Variants in DOCK10 observed in about 807,000 individuals in gnomAD.
DOCK10 encodes dedicator of cytokinesis protein 10.
DOCK10 carries 145 observed loss-of-function variants against 280.1 expected under a neutral mutation model. That is an observed-to-expected ratio of 0.52 (90% CI 0.45 to 0.59). The LOEUF (loss-of-function observed/expected upper bound fraction) is 0.59. Among genes scored for constraint, DOCK10 ranks in the 20% least tolerant of loss-of-function variants. The pLI, the probability that DOCK10 is intolerant of heterozygous loss-of-function variation, is 0.00. For synonymous variants in DOCK10, 915 were observed against 942.2 expected (o/e 0.97, Z 0.53); for missense variants, 2,368 against 2,651.7 (o/e 0.89, Z 2.35).
intron 28 of DOCK10, among the ~76,000 whole-genome samples, chr2:224,820,573 C>T (rs1694444345): frequency 6.6e-6 from 1 of 152,130 alleles, no homozygotes; most frequent in Admixed American, 6.5e-5. Context: ...CAGGATGATC[C>T]ATTAAAATGG....
chr2:224,846,289 A>G lies in DOCK10; in HGVS notation c.2236-647T>C, dbSNP rs186197546. On this transcript the variant is annotated intron_variant, in intron 19 of 55. Coordinates refer to ENST00000258390, the MANE Select transcript of DOCK10 (RefSeq NM_014689.3). ...ACTGCAGAATATAGATAAGACACAC[A>G]TCAAGGAACTGTCATTAAGGGACAC... Among the ~76,000 whole-genome samples, 6 of 152,352 alleles carry G rather than the reference A, an allele frequency of 3.9e-5. No individual in the cohort carries two copies. The East Asian group carries it at 1.2e-3, about 29-fold the overall frequency.
At chr2:224,781,964 G>A (rs1274912703) in intron 50 of DOCK10, among the ~76,000 whole-genome samples, 5 of 152,054 alleles carry the variant, frequency 3.3e-5, no homozygotes, top group African/African-American at 1.2e-4. Context: ...TTCACAAAGA[G>A]AAGAATGTAT....
chr2:224,920,011 C>A (rs1575059269), intron 2 of DOCK10, among the ~76,000 whole-genome samples: 1 of 151,994 alleles, frequency 6.6e-6, no homozygotes, highest in Admixed American at 6.6e-5. Context: ...GAACAGGGAG[C>A]CGTTGCTTTG....
At position 224,797,961 on chromosome 2, in the gene DOCK10, G is replaced by C; in HGVS notation, c.4515C>G (p.Leu1505=). Residue 1505 remains leucine (L), a synonymous_variant, in exon 42 of 56, where the codon CTC becomes CTG. Coordinates refer to ENST00000258390, the MANE Select transcript of DOCK10 (RefSeq NM_014689.3). ...ATGAATTTTGACAGTCACATTGTTG[G>C]AGTTGTCTCTGGAAATTCAATGCAG... is the stretch of plus-strand genomic sequence containing the variant. ...SLFTQTHQRQ[L]QQCDCQNSLM... The C allele has an allele frequency of 6.8e-6, 11 of 1,613,038 alleles. No homozygotes were observed. The highest frequency in any genetic ancestry group is 9.3e-6 in the Non-Finnish European group (11 of 1,179,522).
chr2:224,819,692 C>T (rs1694378620), intron 28 of DOCK10, among the ~76,000 whole-genome samples, 163 bp from the exon 29 acceptor site: 1 of 152,030 alleles, frequency 6.6e-6, no homozygotes, highest in African/African-American at 2.4e-5. Flanking sequence ...CAGTCATCCA[C>T]ATATGGCAAC....
At chr2:224,946,575 T>A (rs1171931336) in intron 1 of DOCK10, among the ~76,000 whole-genome samples, 1 of 152,194 alleles carries the variant, frequency 6.6e-6, no homozygotes, top group African/African-American at 2.4e-5. Context: ...AATACTAAGA[T>A]CACCTTAAAT....
intron 22 of DOCK10, among the ~76,000 whole-genome samples, chr2:224,843,992 G>A (rs1696158596): frequency 6.6e-6 from 1 of 152,174 alleles, no homozygotes; most frequent in South Asian, 2.1e-4. Flanking sequence ...CTTGCCCAGG[G>A]TAATGGAGCC....
chr2:224,982,524 G>T, intron 1 of DOCK10: 1 of 1,222,938 alleles, frequency 8.2e-7, no homozygotes, highest in Non-Finnish European at 1.0e-6. Context: ...TGGCCAAATA[G>T]CTTGGATGCA....
At position 224,862,739 on chromosome 2, in the gene DOCK10, T is replaced by A; in HGVS notation, c.1610A>T (p.Gln537Leu). The A allele has an allele frequency of 6.3e-7, 1 of 1,595,456 alleles. No homozygotes were observed. Among genetic ancestry groups the A allele is most frequent in the Non-Finnish European group, 8.6e-7 (1 of 1,168,148 alleles). The change falls in exon 14 of 56, where the codon CAA (glutamine) becomes CTA (leucine). Residue 537 changes from glutamine (Q) to leucine (L), a missense_variant. Physicochemically the swap from Gln to Leu is moderately radical, Grantham distance 113 (BLOSUM62 -2). This residue lies in a region of DOCK10 where 1,209 missense variants were observed against 1,250.9 expected (regional missense o/e 0.97). Coordinates refer to ENST00000258390, the MANE Select transcript of DOCK10 (RefSeq NM_014689.3). ...TTGTCTGTTGGATTTTAGTATCTTT[T>A]GTGCATACTAAAGAAAAAATAAATA... ...IKNPDSNKYA[Q>L]KILKSNRQFC... is the part of the protein sequence containing the mutation.
intron 33 of DOCK10, chr2:224,807,126 T>C (rs1252199702): frequency 1.3e-5 from 2 of 152,090 alleles, no homozygotes; most frequent in Admixed American, 6.6e-5. Flanking sequence ...AAAAAATCCA[T>C]AGGCATAGCT....
At chr2:224,809,396 A>G (rs1421829174) in intron 31 of DOCK10, among the ~76,000 whole-genome samples, 1 of 152,162 alleles carries the variant, frequency 6.6e-6, no homozygotes, top group Admixed American at 6.6e-5. Flanking sequence ...CAATCAACAA[A>G]ATGAAAAAGC....
chr2:224,898,574 G>A lies in DOCK10; in HGVS notation c.334-2197C>T, dbSNP rs746155428. 6.3e-4 allele frequency among the ~76,000 whole-genome samples: 96 copies of A among 152,184 alleles called. 2 individuals are homozygous for A. The highest frequency in any genetic ancestry group is 3.9e-4 in the East Asian group (2 of 5,194). On this transcript the variant is annotated intron_variant, in intron 3 of 55. Transcript: ENST00000258390. ...AAAGCACGTGTTTCTGGAAATAAGA[G>A]GAAAATTGAGCCTTTTTTTTGAGAC...
intron 1 of DOCK10, among the ~76,000 whole-genome samples, chr2:224,982,709 C>T (rs1351635887): frequency 6.6e-6 from 1 of 152,140 alleles, no homozygotes; most frequent in Non-Finnish European, 1.5e-5. Context: ...TTCAGACACA[C>T]AAATAAATTA....
intron 7 of DOCK10, among the ~76,000 whole-genome samples, chr2:224,880,282 T>A (rs1251893542): frequency 6.6e-6 from 1 of 152,214 alleles, no homozygotes; most frequent in African/African-American, 2.4e-5. Context: ...ATTACCTTCT[T>A]CTATTTCAAG....
intron 1 of DOCK10, among the ~76,000 whole-genome samples, chr2:225,020,319 C>T (rs1000251989): frequency 2.6e-5 from 4 of 152,060 alleles, no homozygotes; most frequent in African/African-American, 9.7e-5. Flanking sequence ...TCAATATAGT[C>T]TATAGAGCAG....
intron 1 of DOCK10, among the ~76,000 whole-genome samples, chr2:225,034,933 G>A (rs1690181631): frequency 6.6e-6 from 1 of 152,080 alleles, no homozygotes; most frequent in African/African-American, 2.4e-5. Context: ...CCCTCCACTT[G>A]GTAATCCAGG....
chr2:225,038,578 G>A (rs1323736009), intron 1 of DOCK10, among the ~76,000 whole-genome samples: 2 of 152,132 alleles, frequency 1.3e-5, no homozygotes, highest in Admixed American at 6.5e-5. Flanking sequence ...GGTAGGAAGG[G>A]AGAAAACCTC....
Position 224,796,983 on chromosome 2 carries a change from A to G in DOCK10, c.4808T>C (p.Ile1603Thr), listed in dbSNP as rs1559425408. 2.5e-6 allele frequency: 4 copies of G among 1,613,030 alleles called. No individual in the cohort carries two copies. Among genetic ancestry groups the G allele is most frequent in the Non-Finnish European group, 2.5e-6 (3 of 1,179,536 alleles). Residue 1603 changes from isoleucine (I) to threonine (T), a missense_variant, in exon 43 of 56, where the codon ATT becomes ACT. Transcript: ENST00000258390. ...ACTTACTTGTAAGTGGGACCGGACA[A>G]TTGACTTCTGCTTGTTAAATTCAAA... ...KNFEFNKQKS[I>T]VRSHLQLIKA...
At chr2:224,897,544 C>T (rs181308715) in intron 3 of DOCK10, among the ~76,000 whole-genome samples, 263 of 152,138 alleles carry the variant, frequency 1.7e-3, no homozygotes, top group African/African-American at 4.4e-3. Context: ...GCCATCCCCA[C>T]CTCCCCTCCA....
Sources: gnomAD v4.1 joint callset for allele counts (sites outside exome capture counted in the v4.1 genomes callset) on GRCh38, gnomAD v4.1.1 for gene constraint, gnomAD v4.1.1 regional missense constraint, MANE v1.5 for transcripts, NCBI Gene and HGNC (gene_info 2026-07-23, HGNC 2026-07-21) for gene names.